Variants in PDK3 observed in about 807,000 individuals in gnomAD.
PDK3 encodes pyruvate dehydrogenase kinase, isozyme 3.
Under a neutral mutation model 32.0 loss-of-function variants are expected in PDK3, and 12 were observed. That is an observed-to-expected ratio of 0.37 (90% CI 0.24 to 0.61). PDK3 has a LOEUF of 0.61. Ranked by LOEUF, PDK3 falls within the 20% of genes least tolerant of loss-of-function variation. The pLI is 0.65. For missense variants in PDK3, 188 were observed against 316.9 expected, an observed-to-expected ratio of 0.59 and a Z score of 3.09; for synonymous variants, 122 against 116.3, an observed-to-expected ratio of 1.05 and a Z score of -0.31.
chrX:24,492,912 ATC>A (rs1921603977), intron 1 of PDK3, among the ~76,000 whole-genome samples: 1 of 108,250 alleles, frequency 9.2e-6, no homozygotes, highest in Non-Finnish European at 1.9e-5. Context: ...AGGCAGGAGA[ATC>A]ACTTGAACCC....
intron 5 of PDK3, chrX:24,513,482 C>A: frequency 7.3e-6 from 1 of 137,339 alleles, no homozygotes; most frequent in Non-Finnish European, 1.5e-5. Flanking sequence ...TCTTCAGATA[C>A]TTGCAAAATA....
intron 1 of PDK3, among the ~76,000 whole-genome samples, chrX:24,478,105 A>C (rs1223750111): frequency 9.0e-6 from 1 of 111,658 alleles, no homozygotes; most frequent in Non-Finnish European, 1.9e-5. Context: ...TGGATGGGTT[A>C]CGTGGTGTTT....
chrX:24,516,611 T>C (rs1420078207), intron 5 of PDK3, among the ~76,000 whole-genome samples: 3 of 111,698 alleles, frequency 2.7e-5, no homozygotes, highest in African/African-American at 9.8e-5. Context: ...TTATTCCGTT[T>C]ATGTAAAAAG....
chrX:24,545,893 C>T (rs1481928158), exon 12 of PDK3: 1 of 111,581 alleles, frequency 9.0e-6, no homozygotes, highest in African/African-American at 3.3e-5. Flanking sequence ...TTGAATAGTA[C>T]GATTGAGAGA....
intron 6 of PDK3, among the ~76,000 whole-genome samples, chrX:24,525,787 C>A (rs1170285524): frequency 8.9e-6 from 1 of 112,348 alleles, no homozygotes; most frequent in East Asian, 2.8e-4. Context: ...GTTCACCAGC[C>A]CTTTTTTTTC....
chrX:24,504,483 C>T (rs1921933707), intron 4 of PDK3, among the ~76,000 whole-genome samples: 1 of 111,806 alleles, frequency 8.9e-6, no homozygotes, highest in Admixed American at 9.5e-5. Context: ...ATTAATTAGC[C>T]TAATGCCTGT....
intron 1 of PDK3, among the ~76,000 whole-genome samples, chrX:24,484,659 A>G (rs988865881): frequency 3.4e-4 from 38 of 112,495 alleles, no homozygotes; most frequent in African/African-American, 1.2e-3. Context: ...TATCAGAAGA[A>G]CAAAAATCAT....
At chrX:24,499,113 C>A in intron 3 of PDK3, 1 of 286,807 alleles carries the variant, frequency 3.5e-6, no homozygotes, top group Non-Finnish European at 6.2e-6. Flanking sequence ...TTCAGTTTTG[C>A]TTTTATGATC....
chrX:24,470,687 CAAAAAAAA>C (rs58511156), intron 1 of PDK3, among the ~76,000 whole-genome samples: 3 of 26,280 alleles, frequency 1.1e-4, no homozygotes, highest in Admixed American at 4.9e-4. Context: ...AACGGCATCT[CAAAAAAAA>C]AAAAAAAAAA....
intron 5 of PDK3, among the ~76,000 whole-genome samples, chrX:24,509,606 C>T (rs997539787): frequency 1.8e-5 from 2 of 111,136 alleles, no homozygotes; most frequent in African/African-American, 3.3e-5. Context: ...CCATTCCCCA[C>T]GCCTCTCTCA....
intron 3 of PDK3, among the ~76,000 whole-genome samples, chrX:24,500,860 G>A (rs757480621): frequency 9.0e-5 from 10 of 111,704 alleles, no homozygotes; most frequent in Non-Finnish European, 1.9e-4. Flanking sequence ...TGAGCATTGA[G>A]CCATTGAGGT....
chrX:24,494,928 T>A, intron 2 of PDK3, 45 bp downstream of exon 2: 1 of 1,124,406 alleles, frequency 8.9e-7, no homozygotes, highest in Non-Finnish European at 1.2e-6. Flanking sequence ...CACAATGCTG[T>A]GAACATTTGG....
At chrX:24,488,631 G>A (rs962519157) in intron 1 of PDK3, among the ~76,000 whole-genome samples, 1 of 111,483 alleles carries the variant, frequency 9.0e-6, no homozygotes, top group Admixed American at 9.5e-5. Flanking sequence ...GGAGGTTGCC[G>A]CCACTTGGTG....
At chrX:24,476,868 T>C (rs775259477) in intron 1 of PDK3, among the ~76,000 whole-genome samples, 6 of 112,460 alleles carry the variant, frequency 5.3e-5, no homozygotes, top group Non-Finnish European at 9.4e-5. Flanking sequence ...AGAGACTATA[T>C]GGCCCACAAA....
intron 1 of PDK3, among the ~76,000 whole-genome samples, chrX:24,483,602 G>A (rs1366904063): frequency 8.9e-6 from 1 of 112,155 alleles, no homozygotes; most frequent in Non-Finnish European, 1.9e-5. Flanking sequence ...CTGTAAGAGG[G>A]ATTTACCGTT....
chrX:24,511,543 G>A (rs752508615), intron 5 of PDK3, among the ~76,000 whole-genome samples: 1 of 111,381 alleles, frequency 9.0e-6, no homozygotes, highest in South Asian at 3.8e-4. Context: ...ACACATGTGT[G>A]TTTTATAGGT....
exon 12 of PDK3, chrX:24,547,921 A>G (rs948867207): frequency 1.8e-5 from 2 of 113,243 alleles, no homozygotes; most frequent in Non-Finnish European, 3.7e-5. Context: ...AAGGTAAAAC[A>G]TAAGAGTTTA....
intron 1 of PDK3, among the ~76,000 whole-genome samples, chrX:24,474,575 G>A (rs994678768): frequency 5.5e-5 from 6 of 109,414 alleles, no homozygotes; most frequent in African/African-American, 1.0e-4. Flanking sequence ...CACCACGCCC[G>A]GCTAATTTTT....
At chrX:24,527,879 G>A (rs991370894) in intron 8 of PDK3, among the ~76,000 whole-genome samples, 197 bp from the exon 9 acceptor site, 1 of 111,847 alleles carries the variant, frequency 8.9e-6, no homozygotes, top group African/African-American at 3.3e-5. Context: ...TCAACACCAA[G>A]CCTGTTGGAT....
Sources: gnomAD v4.1 joint callset for allele counts (sites outside exome capture counted in the v4.1 genomes callset) on GRCh38, gnomAD v4.1.1 for gene constraint, MANE v1.5 for transcripts, NCBI Gene and HGNC (gene_info 2026-07-23, HGNC 2026-07-21) for gene names.